Variants in FHOD3 observed in about 807,000 individuals in gnomAD.
The protein encoded by FHOD3 is formin homology 2 domain containing 3, also known as FH1/FH2 domain-containing protein 3.
Under a neutral mutation model 173.0 loss-of-function variants are expected in FHOD3, and 90 were observed. The observed-to-expected ratio is 0.52, with a 90% CI of 0.44 to 0.62. The LOEUF (loss-of-function observed/expected upper bound fraction) is 0.62. Among genes scored for constraint, FHOD3 ranks in the 20% least tolerant of loss-of-function variants. The probability of loss-of-function intolerance (pLI) is 0.00; values close to 1 mark genes in which losing one functional copy is unlikely to be tolerated. For synonymous variants in FHOD3, 828 were observed against 823.0 expected, an observed-to-expected ratio of 1.01 and a Z score of -0.10; for missense variants, 1,945 against 2,034.7, an observed-to-expected ratio of 0.96 and a Z score of 0.85.
At chr18:36,448,103 A>G (rs2051603185) in intron 3 of FHOD3, among the ~76,000 whole-genome samples, 1 of 152,250 alleles carries the variant, frequency 6.6e-6, no homozygotes, top group African/African-American at 2.4e-5. Flanking sequence ...TAATGGTGGT[A>G]TTAGATGGTG....
At chr18:36,515,446 C>T (rs995220052) in intron 5 of FHOD3, among the ~76,000 whole-genome samples, 3 of 152,190 alleles carry the variant, frequency 2.0e-5, no homozygotes, top group Non-Finnish European at 2.9e-5. Flanking sequence ...TCTTGATCTC[C>T]TGACCTCGTG....
At chr18:36,470,189 T>C (rs528459366) in intron 3 of FHOD3, among the ~76,000 whole-genome samples, 1 of 152,286 alleles carries the variant, frequency 6.6e-6, no homozygotes, top group Non-Finnish European at 1.5e-5. Flanking sequence ...TCTGGAGGCC[T>C]CCGGGGGGTT....
At chr18:36,298,765 T>A (rs931567635) in intron 1 of FHOD3, among the ~76,000 whole-genome samples, 21 of 151,812 alleles carry the variant, frequency 1.4e-4, no homozygotes, top group African/African-American at 5.1e-4. Flanking sequence ...AGAGGTTTTT[T>A]TTTTTTTATT....
intron 20 of FHOD3, among the ~76,000 whole-genome samples, chr18:36,734,066 C>T (rs966571739): frequency 6.6e-6 from 1 of 152,088 alleles, no homozygotes; most frequent in Admixed American, 6.5e-5. Context: ...GCAGCGCAGC[C>T]CTCTTCACTG....
chr18:36,626,809 C>A (rs1458593169), intron 10 of FHOD3, among the ~76,000 whole-genome samples: 3 of 152,178 alleles, frequency 2.0e-5, no homozygotes, highest in Admixed American at 2.0e-4. Flanking sequence ...AGATATATCC[C>A]TCCTCTCCAT....
intron 25 of FHOD3, among the ~76,000 whole-genome samples, chr18:36,757,919 A>G (rs2042701234): frequency 6.6e-6 from 1 of 152,182 alleles, no homozygotes; most frequent in Non-Finnish European, 1.5e-5. Flanking sequence ...CAGGCTGGTC[A>G]ATCCCAGGCC....
intron 4 of FHOD3, among the ~76,000 whole-genome samples, chr18:36,510,684 A>G (rs564600381): frequency 6.6e-6 from 1 of 152,340 alleles, no homozygotes; most frequent in East Asian, 1.9e-4. Flanking sequence ...CACTTTTCAC[A>G]TATGCTGGTG....
chr18:36,674,037 G>A (rs1376145273), intron 14 of FHOD3, among the ~76,000 whole-genome samples: 1 of 152,152 alleles, frequency 6.6e-6, no homozygotes, highest in Non-Finnish European at 1.5e-5. Context: ...ACTAATATTT[G>A]GATCTAAAAT....
At chr18:36,767,313 A>G (rs1432184974) in intron 27 of FHOD3, among the ~76,000 whole-genome samples, 1 of 152,074 alleles carries the variant, frequency 6.6e-6, no homozygotes, top group Non-Finnish European at 1.5e-5. Context: ...AAAACCAAAA[A>G]AAAAAACTGT....
intron 3 of FHOD3, among the ~76,000 whole-genome samples, chr18:36,413,471 AAGGG>A (rs2049462601): frequency 6.6e-6 from 1 of 152,152 alleles, no homozygotes; most frequent in Admixed American, 6.5e-5. Context: ...AGGCCTGCTG[AAGGG>A]AGGAAGATGC....
chr18:36,336,243 A>G (rs945830403), intron 1 of FHOD3, among the ~76,000 whole-genome samples: 3 of 152,186 alleles, frequency 2.0e-5, no homozygotes, highest in Admixed American at 1.3e-4. Flanking sequence ...TTCACCTTGA[A>G]TGCTGAACCG....
intron 5 of FHOD3, among the ~76,000 whole-genome samples, chr18:36,530,423 A>G (rs528898746): frequency 6.6e-6 from 1 of 152,278 alleles, no homozygotes; most frequent in South Asian, 2.1e-4. Context: ...CATCTATTAA[A>G]TTGAGTGTCC....
chr18:36,456,212 C>T (rs2144546771), intron 3 of FHOD3, among the ~76,000 whole-genome samples: 1 of 152,280 alleles, frequency 6.6e-6, no homozygotes, highest in Admixed American at 6.5e-5. Context: ...TCAAACAAAT[C>T]CTTTAGCTAT....
chr18:36,662,076 G>A (rs549636328), intron 14 of FHOD3, among the ~76,000 whole-genome samples: 3 of 152,310 alleles, frequency 2.0e-5, no homozygotes, highest in East Asian at 1.9e-4. Context: ...AACTATTTGT[G>A]TTCAAGTATT....
intron 3 of FHOD3, among the ~76,000 whole-genome samples, chr18:36,437,817 C>T (rs1026851661): frequency 1.3e-5 from 2 of 152,078 alleles, no homozygotes; most frequent in African/African-American, 4.8e-5. Flanking sequence ...ACACGTGCCA[C>T]CACAGCCAGC....
chr18:36,515,050 G>A (rs1196977238), intron 5 of FHOD3, among the ~76,000 whole-genome samples: 1 of 152,198 alleles, frequency 6.6e-6, no homozygotes, highest in Non-Finnish European at 1.5e-5. Context: ...CCAGCGGCCT[G>A]CAGGCTTTTG....
In FHOD3 at chr18:36,535,675, T is replaced by C. The variant is rs2056966637; in HGVS notation, c.511+23132T>C. Among the ~76,000 whole-genome samples, 4 of 152,254 alleles carry C rather than the reference T, an allele frequency of 2.6e-5. No homozygotes were observed. In the South Asian group the frequency reaches 8.3e-4, roughly 31 times the overall value. On this transcript the variant is annotated intron_variant, in intron 5 of 28. Transcript: ENST00000590592. ...GAGTGCTGGCTTAGTTGTGCTTTAATGAACAATAATTAAATTACTTAAAAT... is the reference window on the plus strand; with the variant it reads ...GAGTGCTGGCTTAGTTGTGCTTTAACGAACAATAATTAAATTACTTAAAAT...
intron 1 of FHOD3, among the ~76,000 whole-genome samples, chr18:36,330,686 T>G (rs981447999): frequency 4.6e-5 from 7 of 152,162 alleles, no homozygotes; most frequent in Admixed American, 4.6e-4. Context: ...GTGACTTGGC[T>G]TCATGCAGGG....
chr18:36,457,289 A>G (rs936428562), intron 3 of FHOD3, among the ~76,000 whole-genome samples: 3 of 152,128 alleles, frequency 2.0e-5, no homozygotes, highest in Non-Finnish European at 4.4e-5. Context: ...AATAAATGTA[A>G]TATGCTGAAG....
Sources: gnomAD v4.1 joint callset for allele counts (sites outside exome capture counted in the v4.1 genomes callset) on GRCh38, gnomAD v4.1.1 for gene constraint, MANE v1.5 for transcripts, NCBI Gene and HGNC (gene_info 2026-07-23, HGNC 2026-07-21) for gene names.